Variants in CHCHD3 observed in about 807,000 individuals in gnomAD.
CHCHD3 encodes the protein MICOS complex subunit MIC19.
CHCHD3 carries 20 observed loss-of-function variants against 38.2 expected under a neutral mutation model. The ratio of observed to expected loss-of-function variants is 0.52; its 90% CI spans 0.37 to 0.76. The LOEUF (loss-of-function observed/expected upper bound fraction) is 0.76. CHCHD3 is among the 30% of genes least tolerant of loss of function. The pLI is 0.00. For missense variants in CHCHD3, 245 were observed against 279.2 expected (o/e 0.88, Z 0.87); for synonymous variants, 82 against 100.0 (o/e 0.82, Z 1.07).
intron 7 of CHCHD3, among the ~76,000 whole-genome samples, chr7:132,796,060 C>T (rs1284957235): frequency 6.6e-6 from 1 of 151,956 alleles, no homozygotes; most frequent in African/African-American, 2.4e-5. Flanking sequence ...TGCCTACCTA[C>T]GGCTTATGGG....
At chr7:132,992,004 C>T (rs1025226885) in intron 3 of CHCHD3, among the ~76,000 whole-genome samples, 4 of 152,152 alleles carry the variant, frequency 2.6e-5, no homozygotes, top group African/African-American at 9.7e-5. Context: ...CTCTTCTGCT[C>T]TCTGCTTCAT....
intron 7 of CHCHD3, among the ~76,000 whole-genome samples, chr7:132,790,751 G>A (rs764797146): frequency 1.3e-5 from 2 of 152,100 alleles, no homozygotes; most frequent in Non-Finnish European, 2.9e-5. Context: ...CGTGTACATC[G>A]GGGGGACCCT....
intron 4 of CHCHD3, among the ~76,000 whole-genome samples, chr7:132,897,344 CTT>C (rs1809525605): frequency 6.6e-6 from 1 of 152,072 alleles, no homozygotes; most frequent in Non-Finnish European, 1.5e-5. Context: ...TTCTGAATTC[CTT>C]TTCTTTGTAC....
At chr7:132,804,819 G>A (rs1455014678) in intron 6 of CHCHD3, among the ~76,000 whole-genome samples, 1 of 152,144 alleles carries the variant, frequency 6.6e-6, no homozygotes, top group Non-Finnish European at 1.5e-5. Context: ...ATTTATTTTA[G>A]GGACAAGTGA....
chr7:133,075,941 C>T (rs1814976426), intron 1 of CHCHD3, among the ~76,000 whole-genome samples: 1 of 151,626 alleles, frequency 6.6e-6, no homozygotes, highest in Non-Finnish European at 1.5e-5. Context: ...TGCCTGTAGT[C>T]CCAGCTACTT....
chr7:132,981,639 C>T lies in CHCHD3; in HGVS notation c.252-6353G>A, dbSNP rs149371164. 5.1e-4 allele frequency among the ~76,000 whole-genome samples: 77 copies of T among 152,266 alleles called. 1 individual carries two copies. In the East Asian group the frequency reaches 0.013, roughly 25 times the overall value. On this transcript the variant is annotated intron_variant, in intron 3 of 7. Coordinates refer to ENST00000262570, the MANE Select transcript of CHCHD3 (RefSeq NM_017812.4). ...AATGTTTTTCTGAATTTGGATACTG[C>T]TCATTTGGCCATTCACAAATACTCA... is the stretch of plus-strand genomic sequence containing the variant.
In CHCHD3 at chr7:132,949,830, A is replaced by G. The variant is rs893370469; in HGVS notation, c.369+25339T>C. Among the ~76,000 whole-genome samples the G allele has an allele frequency of 1.1e-4, 16 of 152,282 alleles. No individual in the cohort carries two copies. The East Asian group carries it at 3.1e-3, about 29-fold the overall frequency. ...TTAGGAGTGCAGTATGAAAATTATAATATTGGTAAGGCTACAAAGATCATT... is the reference window on the plus strand; with the variant it reads ...TTAGGAGTGCAGTATGAAAATTATAGTATTGGTAAGGCTACAAAGATCATT... On this transcript the variant is annotated intron_variant, in intron 4 of 7. Transcript: ENST00000262570.
At chr7:132,884,975 G>C (rs917188072) in intron 5 of CHCHD3, among the ~76,000 whole-genome samples, 1 of 152,236 alleles carries the variant, frequency 6.6e-6, no homozygotes, top group Non-Finnish European at 1.5e-5. Context: ...TATCCTGCCA[G>C]GTGCAGTGGC....
chr7:132,936,090 G>A (rs915085865), intron 4 of CHCHD3, among the ~76,000 whole-genome samples: 8 of 152,062 alleles, frequency 5.3e-5, no homozygotes, highest in African/African-American at 1.9e-4. Flanking sequence ...TTTTAGAAGG[G>A]ACATTCTAAC....
intron 4 of CHCHD3, among the ~76,000 whole-genome samples, chr7:132,912,450 G>C (rs1390341201): frequency 6.6e-6 from 1 of 152,216 alleles, no homozygotes; most frequent in Non-Finnish European, 1.5e-5. Flanking sequence ...CCCATAGCCA[G>C]AGCTCCTTCC....
intron 5 of CHCHD3, among the ~76,000 whole-genome samples, chr7:132,873,021 T>G (rs1009239879): frequency 3.3e-5 from 5 of 151,936 alleles, no homozygotes; most frequent in Non-Finnish European, 7.4e-5. Flanking sequence ...ACTGAGGAGA[T>G]GGAGGTTGCA....
chr7:132,927,960 A>G (rs148627931), intron 4 of CHCHD3, among the ~76,000 whole-genome samples: 64 of 152,330 alleles, frequency 4.2e-4, no homozygotes, highest in Middle Eastern at 3.4e-3. Flanking sequence ...TGATTTATAT[A>G]GTTGTGAAAT....
At chr7:133,057,071 C>CA (rs1479413717) in intron 2 of CHCHD3, among the ~76,000 whole-genome samples, 1 of 152,134 alleles carries the variant, frequency 6.6e-6, no homozygotes, top group Non-Finnish European at 1.5e-5. Flanking sequence ...ACATCACTGC[C>CA]AGTAAAGCAC....
At chr7:132,967,671 T>C (rs940718905) in intron 4 of CHCHD3, among the ~76,000 whole-genome samples, 2 of 146,670 alleles carry the variant, frequency 1.4e-5, no homozygotes, top group East Asian at 2.0e-4. Flanking sequence ...ATAAATAAAA[T>C]AAAACAAAAT....
intron 5 of CHCHD3, among the ~76,000 whole-genome samples, chr7:132,839,805 C>G (rs180847373): frequency 2.6e-5 from 4 of 152,180 alleles, no homozygotes; most frequent in Admixed American, 6.5e-5. Flanking sequence ...GAGCCATAGA[C>G]AGGTCACCAT....
intron 4 of CHCHD3, chr7:132,973,341 T>C (rs1811660477): frequency 1.0e-6 from 1 of 985,318 alleles, no homozygotes; most frequent in Non-Finnish European, 1.2e-6. Context: ...AGCTTCCAAA[T>C]TTGGAGACTT....
intron 6 of CHCHD3, among the ~76,000 whole-genome samples, chr7:132,804,378 G>A: frequency 6.6e-6 from 1 of 152,092 alleles, no homozygotes; most frequent in East Asian, 1.9e-4. Context: ...TCTATTTTTA[G>A]GTGATTATAA....
At chr7:132,875,764 C>T (rs1352169030) in intron 5 of CHCHD3, among the ~76,000 whole-genome samples, 1 of 152,056 alleles carries the variant, frequency 6.6e-6, no homozygotes, top group Non-Finnish European at 1.5e-5. Context: ...CCCTCTAGTC[C>T]CCAAAATTCT....
intron 6 of CHCHD3, among the ~76,000 whole-genome samples, chr7:132,815,219 T>C (rs1193662353): frequency 6.6e-6 from 1 of 152,182 alleles, no homozygotes; most frequent in Non-Finnish European, 1.5e-5. Context: ...GAAAGAACTG[T>C]TTAACAGATG....
Sources: allele counts gnomAD v4.1 joint callset (sites outside exome capture counted in the v4.1 genomes callset), GRCh38; gene constraint gnomAD v4.1.1; transcripts MANE v1.5; gene names NCBI Gene and HGNC (gene_info 2026-07-23, HGNC 2026-07-21).